Variants in CDKAL1 observed in about 807,000 individuals in gnomAD.
CDKAL1 encodes the protein threonylcarbamoyladenosine tRNA methylthiotransferase.
In CDKAL1, 32 loss-of-function variants were observed where a neutral mutation model predicts 68.2. That is an observed-to-expected ratio of 0.47 (90% CI 0.35 to 0.63). CDKAL1 has a LOEUF of 0.63. CDKAL1 is among the 30% of genes least tolerant of loss of function. The pLI is 0.00. For missense variants in CDKAL1, 606 were observed against 696.7 expected (o/e 0.87, Z 1.47); for synonymous variants, 234 against 244.3 (o/e 0.96, Z 0.39).
chr6:21,090,579 T>G (rs1421443853), intron 12 of CDKAL1, among the ~76,000 whole-genome samples: 2 of 152,204 alleles, frequency 1.3e-5, no homozygotes, highest in African/African-American at 4.8e-5. Flanking sequence ...CTACAGCCTC[T>G]GGAAGAAAGG....
At chr6:20,805,002 G>A (rs1472630564) in intron 8 of CDKAL1, among the ~76,000 whole-genome samples, 1 of 152,116 alleles carries the variant, frequency 6.6e-6, no homozygotes, top group African/African-American at 2.4e-5. Flanking sequence ...TCCAGCCTGG[G>A]TGAGAGAGTG....
chr6:21,204,103 A>C (rs534264927), intron 15 of CDKAL1, among the ~76,000 whole-genome samples: 91 of 152,356 alleles, frequency 6.0e-4, no homozygotes, highest in African/African-American at 2.1e-3. Flanking sequence ...ACGTGGGGTC[A>C]GCAATACCAA....
At chr6:21,027,438 TG>T in intron 11 of CDKAL1, among the ~76,000 whole-genome samples, 1 of 152,206 alleles carries the variant, frequency 6.6e-6, no homozygotes, top group Non-Finnish European at 1.5e-5. Context: ...TTCAGTGGAT[TG>T]AAGTAGATTC....
At chr6:21,104,156 C>G (rs1274680901) in intron 12 of CDKAL1, among the ~76,000 whole-genome samples, 1 of 152,172 alleles carries the variant, frequency 6.6e-6, no homozygotes, top group Admixed American at 6.5e-5. Flanking sequence ...GCTCTGAAAG[C>G]CCCATATCTA....
chr6:20,875,810 A>G (rs886451079), intron 9 of CDKAL1, among the ~76,000 whole-genome samples: 14 of 152,226 alleles, frequency 9.2e-5, no homozygotes, highest in Admixed American at 2.6e-4. Context: ...TAATAGATCT[A>G]TTTGAAACAT....
chr6:20,828,513 G>A (rs1297132363), intron 8 of CDKAL1, among the ~76,000 whole-genome samples: 1 of 152,158 alleles, frequency 6.6e-6, no homozygotes. Context: ...ACAAACATGA[G>A]CCACTGTGCT....
chr6:20,778,752 A>G (rs974729804), intron 7 of CDKAL1, among the ~76,000 whole-genome samples: 2 of 152,180 alleles, frequency 1.3e-5, no homozygotes, highest in African/African-American at 2.4e-5. Flanking sequence ...AAATGGACCT[A>G]TGTTCTGGCT....
chr6:21,207,697 G>A (rs185862159), intron 15 of CDKAL1, among the ~76,000 whole-genome samples: 5 of 152,290 alleles, frequency 3.3e-5, no homozygotes, highest in Non-Finnish European at 5.9e-5. Flanking sequence ...GTAAATGAGT[G>A]ATAGTACTAC....
intron 8 of CDKAL1, among the ~76,000 whole-genome samples, chr6:20,806,973 G>A (rs4580857): frequency 0.8 from 122,433 of 152,160 alleles, 49,883 homozygotes; most frequent in East Asian, 0.91. Context: ...TAAAGCATAT[G>A]TTCATTGTAT....
intron 5 of CDKAL1, among the ~76,000 whole-genome samples, chr6:20,656,191 C>G (rs1319061071): frequency 6.6e-6 from 1 of 152,088 alleles, no homozygotes; most frequent in Non-Finnish European, 1.5e-5. Flanking sequence ...ACTGTGCTTC[C>G]TAGATAAAGA....
At chr6:20,656,385 A>C (rs2127766668) in intron 5 of CDKAL1, among the ~76,000 whole-genome samples, 1 of 152,308 alleles carries the variant, frequency 6.6e-6, no homozygotes, top group East Asian at 1.9e-4. Context: ...GGAGGATGGA[A>C]GAGGGGAGTT....
intron 15 of CDKAL1, among the ~76,000 whole-genome samples, chr6:21,216,378 G>A (rs1779339856): frequency 6.6e-6 from 1 of 152,036 alleles, no homozygotes; most frequent in African/African-American, 2.4e-5. Flanking sequence ...AAAGTGGGAG[G>A]ATCACTTGAG....
chr6:20,736,498 C>T (rs1007960840), intron 5 of CDKAL1, among the ~76,000 whole-genome samples: 15 of 152,250 alleles, frequency 9.9e-5, no homozygotes, highest in Middle Eastern at 3.4e-3. Context: ...CGGCCGGGGG[C>T]GGTGGCTCAC....
chr6:20,556,941 G>A (rs1764067452), intron 4 of CDKAL1, among the ~76,000 whole-genome samples: 1 of 151,744 alleles, frequency 6.6e-6, no homozygotes, highest in Non-Finnish European at 1.5e-5. Flanking sequence ...GGGAGGCTGA[G>A]GCAGGAGAAT....
intron 13 of CDKAL1, among the ~76,000 whole-genome samples, chr6:21,169,838 G>C (rs1777302098): frequency 6.6e-6 from 1 of 152,164 alleles, no homozygotes; most frequent in African/African-American, 2.4e-5. Context: ...GCAGGCAAGA[G>C]AGGGTTTGCA....
At chr6:21,153,501 C>T (rs190150546) in intron 13 of CDKAL1, among the ~76,000 whole-genome samples, 1 of 152,124 alleles carries the variant, frequency 6.6e-6, no homozygotes, top group Admixed American at 6.5e-5. Context: ...TTTGTGTGCC[C>T]ATATGAGAAG....
intron 8 of CDKAL1, among the ~76,000 whole-genome samples, chr6:20,837,442 C>T (rs1429695404): frequency 1.3e-5 from 2 of 152,102 alleles, no homozygotes; most frequent in Non-Finnish European, 2.9e-5. Context: ...CGTCAGCCTC[C>T]ATAACCACTG....
intron 8 of CDKAL1, among the ~76,000 whole-genome samples, chr6:20,822,374 A>C (rs1377444111): frequency 3.3e-5 from 5 of 152,168 alleles, no homozygotes; most frequent in Non-Finnish European, 7.4e-5. Context: ...TCCTACAATT[A>C]ATCAAGTTGA....
At chr6:20,628,173 A>G (rs78294265) in intron 4 of CDKAL1, among the ~76,000 whole-genome samples, 1 of 151,984 alleles carries the variant, frequency 6.6e-6, no homozygotes. Flanking sequence ...CCTTGTTCCT[A>G]ATCTTAGGGA....
Sources: gnomAD v4.1 joint callset for allele counts (sites outside exome capture counted in the v4.1 genomes callset) on GRCh38, gnomAD v4.1.1 for gene constraint, MANE v1.5 for transcripts, NCBI Gene and HGNC (gene_info 2026-07-23, HGNC 2026-07-21) for gene names.